Variants in SLC24A2 observed in about 807,000 individuals in gnomAD.
SLC24A2 encodes the protein sodium/potassium/calcium exchanger 2.
In SLC24A2, 36 loss-of-function variants were observed where a neutral mutation model predicts 62.0. The ratio of observed to expected loss-of-function variants is 0.58; its 90% CI spans 0.44 to 0.77. The LOEUF (loss-of-function observed/expected upper bound fraction) is 0.77, where lower values mean the gene tolerates loss of function less well. Among genes scored for constraint, SLC24A2 ranks in the 30% least tolerant of loss-of-function variants. The probability of loss-of-function intolerance (pLI) is 0.00; values close to 1 mark genes in which losing one functional copy is unlikely to be tolerated. For synonymous variants in SLC24A2, 358 were observed against 294.0 expected (o/e 1.22, Z -2.23); for missense variants, 846 against 817.9 (o/e 1.03, Z -0.42).
At chr9:19,972,927 A>T in the SLC24A2 span, among the ~76,000 whole-genome samples, 1 of 152,118 alleles carries the variant, frequency 6.6e-6, no homozygotes, top group Non-Finnish European at 1.5e-5. Flanking sequence ...ACCTGCCCAC[A>T]CTTGCCTGTT....
the SLC24A2 span, among the ~76,000 whole-genome samples, chr9:20,061,624 A>T: frequency 6.6e-6 from 1 of 152,328 alleles, no homozygotes; most frequent in South Asian, 2.1e-4. Context: ...AAGACAATTC[A>T]ATGAGGAAAG....
In SLC24A2 at chr9:19,515,479, A is replaced by C. The variant is rs1832886933; in HGVS notation, c.*674T>G. On this transcript the variant is annotated 3_prime_UTR_variant, in exon 11 of 11. Transcript: ENST00000341998. ...CTCCTCCCTGCAAGCTATTTCCCTA[A>C]ACCATCTACCTTACTAGGCAGGATC... The C allele has an allele frequency of 6.6e-6, 1 of 152,044 alleles. No individual in the cohort carries two copies. The highest frequency in any genetic ancestry group is 6.6e-5 in the Admixed American group (1 of 15,236). The allele number at this position is 152,044 out of a possible 1,614,324, so 9.4% of individuals were successfully genotyped here.
the SLC24A2 span, among the ~76,000 whole-genome samples, chr9:19,921,145 C>T: frequency 4.6e-5 from 7 of 151,742 alleles, no homozygotes; most frequent in East Asian, 1.9e-4. Context: ...TAAATGGTTA[C>T]CATTTACCTG....
At chr9:20,012,997 T>C in the SLC24A2 span, among the ~76,000 whole-genome samples, 1 of 152,134 alleles carries the variant, frequency 6.6e-6, no homozygotes, top group African/African-American at 2.4e-5. Flanking sequence ...GTCTATAAGT[T>C]TAATATAATT....
chr9:20,031,628 A>AG, the SLC24A2 span, among the ~76,000 whole-genome samples: 1 of 152,144 alleles, frequency 6.6e-6, no homozygotes, highest in Non-Finnish European at 1.5e-5. Flanking sequence ...GAGTTATGTG[A>AG]GGGTTCACTG....
chr9:20,128,519 G>A, the SLC24A2 span, among the ~76,000 whole-genome samples: 41 of 152,180 alleles, frequency 2.7e-4, no homozygotes, highest in Admixed American at 2.2e-3. Flanking sequence ...ACTCTAATGT[G>A]TTAAAACCAT....
chr9:20,266,479 G>A, the SLC24A2 span, among the ~76,000 whole-genome samples: 2 of 151,994 alleles, frequency 1.3e-5, no homozygotes, highest in Non-Finnish European at 2.9e-5. Flanking sequence ...CATAGTTATA[G>A]TTCTTAGACC....
At chr9:20,125,011 G>A in the SLC24A2 span, among the ~76,000 whole-genome samples, 32 of 152,248 alleles carry the variant, frequency 2.1e-4, 1 homozygote, top group East Asian at 6.2e-3. Flanking sequence ...TCACTAACAG[G>A]CAACTACCTT....
chr9:20,132,281 T>G, the SLC24A2 span, among the ~76,000 whole-genome samples: 1 of 151,800 alleles, frequency 6.6e-6, no homozygotes, highest in Non-Finnish European at 1.5e-5. Flanking sequence ...AACCGAGAAT[T>G]AGAGAAAAGT....
chr9:20,157,303 A>C, the SLC24A2 span, among the ~76,000 whole-genome samples: 1 of 151,752 alleles, frequency 6.6e-6, no homozygotes, highest in Non-Finnish European at 1.5e-5. Flanking sequence ...TCACCTGAAA[A>C]AAAAGCCACG....
the SLC24A2 span, among the ~76,000 whole-genome samples, chr9:20,176,419 C>T: frequency 2.8e-4 from 43 of 152,132 alleles, no homozygotes; most frequent in African/African-American, 9.4e-4. Context: ...AGAGAATATT[C>T]TACCTGAAAT....
At chr9:19,593,760 T>C (rs1836624749) in intron 5 of SLC24A2, among the ~76,000 whole-genome samples, 1 of 152,090 alleles carries the variant, frequency 6.6e-6, no homozygotes, top group Non-Finnish European at 1.5e-5. Context: ...GGGCGGGGCT[T>C]TGGGGGGACA....
At chr9:20,088,628 T>C in the SLC24A2 span, among the ~76,000 whole-genome samples, 3 of 152,158 alleles carry the variant, frequency 2.0e-5, no homozygotes, top group Admixed American at 6.5e-5. Context: ...GTTGTTGTCT[T>C]TGGGCTTTGG....
the SLC24A2 span, among the ~76,000 whole-genome samples, chr9:19,961,121 GAGAGAGACAGAAGAAAGGGGAGA>G: frequency 4.3e-4 from 55 of 127,106 alleles, no homozygotes; most frequent in African/African-American, 1.5e-3. Flanking sequence ...GAAGAAAGGA[GAGAGAGACAGAAGAAAGGGGAGA>G]GAGAGAGAGA....
At chr9:19,556,533 A>G (rs1274120433) in intron 7 of SLC24A2, among the ~76,000 whole-genome samples, 5 of 152,152 alleles carry the variant, frequency 3.3e-5, no homozygotes, top group Non-Finnish European at 7.4e-5. Context: ...TGGTAATAAC[A>G]TCTCATCACC....
the SLC24A2 span, among the ~76,000 whole-genome samples, chr9:20,084,670 T>C: frequency 6.6e-6 from 1 of 152,154 alleles, no homozygotes; most frequent in Admixed American, 6.6e-5. Flanking sequence ...AGTCTGGCTG[T>C]TCCCTGGGTA....
intron 2 of SLC24A2, among the ~76,000 whole-genome samples, chr9:19,726,445 G>A (rs1487675574): frequency 6.6e-6 from 1 of 152,064 alleles, no homozygotes; most frequent in Non-Finnish European, 1.5e-5. Context: ...ATTTTAATAA[G>A]AAAGCAAATA....
At chr9:19,739,047 G>C (rs1821595889) in intron 2 of SLC24A2, among the ~76,000 whole-genome samples, 1 of 152,176 alleles carries the variant, frequency 6.6e-6, no homozygotes, top group South Asian at 2.1e-4. Context: ...AACCAAGAAG[G>C]TGGAGGTTGC....
the SLC24A2 span, among the ~76,000 whole-genome samples, chr9:20,250,933 G>C: frequency 5.9e-5 from 9 of 152,054 alleles, no homozygotes; most frequent in African/African-American, 1.9e-4. Flanking sequence ...ATTCCTCGAA[G>C]CGCACTTCTC....
Sources: allele counts gnomAD v4.1 joint callset (sites outside exome capture counted in the v4.1 genomes callset), GRCh38; gene constraint gnomAD v4.1.1; transcripts MANE v1.5; gene names NCBI Gene and HGNC (gene_info 2026-07-23, HGNC 2026-07-21).